Variants in MORC1 observed in about 807,000 individuals in gnomAD.
MORC1 encodes MORC family CW-type zinc finger 1.
A neutral mutation model predicts 134.9 loss-of-function variants in MORC1; 59 were observed. That is an observed-to-expected ratio of 0.44 (90% CI 0.35 to 0.54). MORC1 has a LOEUF of 0.54. Among genes scored for constraint, MORC1 ranks in the 20% least tolerant of loss-of-function variants. The pLI is 0.00. For missense variants in MORC1, 947 were observed against 1,134.5 expected (o/e 0.83, Z 2.37); for synonymous variants, 395 against 391.7 (o/e 1.01, Z -0.10).
At position 109,094,889 on chromosome 3, in the gene MORC1, CAG is replaced by C. The variant is rs1950800075; in HGVS notation, c.583+18_583+19del. ...AAAACAAATACTTCCATCAAATTGTCAGAGTTTTGATGATCTTACCACATTTT... is the reference window on the plus strand; with the variant it reads ...AAAACAAATACTTCCATCAAATTGTCAGTTTTGATGATCTTACCACATTTT... On this transcript the variant is annotated intron_variant, in intron 7 of 27. Transcript: ENST00000232603. 3 of 1,536,296 alleles carry C rather than the reference CAG, an allele frequency of 2.0e-6. No homozygotes were observed. The highest frequency in any genetic ancestry group is 1.4e-5 in the African/African-American group (1 of 70,688).
chr3:109,104,092 G>A (rs1034708792), intron 3 of MORC1, among the ~76,000 whole-genome samples, 175 bp from the exon 4 acceptor site: 1 of 152,180 alleles, frequency 6.6e-6, no homozygotes, highest in African/African-American at 2.4e-5. Context: ...AGAAACTGCA[G>A]GGGAAAAATA....
At chr3:109,074,813 T>C (rs1439654930) in intron 8 of MORC1, among the ~76,000 whole-genome samples, 1 of 152,160 alleles carries the variant, frequency 6.6e-6, no homozygotes, top group Non-Finnish European at 1.5e-5. Context: ...ATGAGGGGAA[T>C]TGTGGGGATT....
chr3:109,069,551 T>G, intron 9 of MORC1, 81 bp downstream of exon 9: 3 of 1,324,532 alleles, frequency 2.3e-6, no homozygotes, highest in Non-Finnish European at 3.1e-6. Context: ...AAAGTCAATG[T>G]CCTCACTTTG....
chr3:109,043,205 G>A (rs1297440232), intron 14 of MORC1, among the ~76,000 whole-genome samples: 2 of 138,406 alleles, frequency 1.4e-5, no homozygotes, highest in African/African-American at 2.7e-5. Flanking sequence ...GGGGGGGTGT[G>A]TATAACAGAA....
intron 1 of MORC1, 45 bp downstream of exon 1, chr3:109,117,950 G>A (rs1230948541): frequency 4.1e-6 from 6 of 1,478,764 alleles, no homozygotes; most frequent in African/African-American, 1.4e-5. Context: ...TCTTCATGGC[G>A]GGCGCAGAGA....
At position 108,984,655 on chromosome 3, in the gene MORC1, A is replaced by T. The variant is rs1454282097; in HGVS notation, c.2324+61T>A. On this transcript the variant is annotated intron_variant, in intron 23 of 27. Coordinates refer to ENST00000232603, the MANE Select transcript of MORC1 (RefSeq NM_014429.4). The stretch of plus-strand genomic sequence containing the variant: ...TTTCTTCTTGTATTTAAACATTGAT[A>T]ATTACTTTTCAGCAGGATAATTGCA... The T allele has an allele frequency of 3.3e-6, 4 of 1,229,404 alleles. No individual in the cohort carries two copies. In the Admixed American group the frequency reaches 7.2e-5, roughly 22 times the overall value. 76.2% of individuals were successfully genotyped at this position (1,229,404 alleles called of 1,614,324 possible). A position where few individuals can be genotyped will look rare whatever the true frequency, so the allele number is the denominator to read the frequency against.
intron 26 of MORC1, among the ~76,000 whole-genome samples, chr3:108,964,761 T>C (rs899654207): frequency 1.3e-5 from 2 of 152,150 alleles, no homozygotes; most frequent in Non-Finnish European, 1.5e-5. Context: ...AATGTGCACA[T>C]AAATCTTATG....
intron 8 of MORC1, among the ~76,000 whole-genome samples, chr3:109,087,305 A>G (rs774938248): frequency 6.6e-6 from 1 of 152,146 alleles, no homozygotes. Flanking sequence ...TGCAAACGAC[A>G]TGACTCTATA....
chr3:109,030,906 GATT>G (rs1221783171), intron 16 of MORC1, among the ~76,000 whole-genome samples: 6 of 152,120 alleles, frequency 3.9e-5, no homozygotes, highest in Non-Finnish European at 5.9e-5. Context: ...ACCCCGATGT[GATT>G]ATTACATACT....
chr3:108,978,472 T>G (rs1190200480), intron 24 of MORC1, among the ~76,000 whole-genome samples: 1 of 152,156 alleles, frequency 6.6e-6, no homozygotes, highest in African/African-American at 2.4e-5. Flanking sequence ...AGGTGGGGTC[T>G]TCATGCCCAT....
intron 2 of MORC1, among the ~76,000 whole-genome samples, chr3:109,112,612 G>C (rs1023480317): frequency 6.6e-6 from 1 of 152,202 alleles, no homozygotes; most frequent in Non-Finnish European, 1.5e-5. Flanking sequence ...GGTCCCAAGA[G>C]AGCACCTGCT....
chr3:108,986,520 G>A (rs1007879989), intron 22 of MORC1, among the ~76,000 whole-genome samples: 2 of 152,208 alleles, frequency 1.3e-5, no homozygotes, highest in East Asian at 1.9e-4. Flanking sequence ...AACGGGGACT[G>A]TCATCATCAT....
rs1209421156 is a variant in MORC1 at position 109,116,328 on chromosome 3, G to A, written c.65+1667C>T. On this transcript the variant is annotated intron_variant, in intron 1 of 27. Transcript: ENST00000232603. Reference sequence around the variant, plus strand: ...TGGAGTAGTCTGGACAAGGGACAGTGGTGGCTTGGACTAAAGTCAGTGGCA... The same window carrying A: ...TGGAGTAGTCTGGACAAGGGACAGTAGTGGCTTGGACTAAAGTCAGTGGCA... Among the ~76,000 whole-genome samples, 3 of 152,214 alleles carry A rather than the reference G, an allele frequency of 2.0e-5. No homozygotes were observed. The East Asian group carries it at 5.8e-4, about 29-fold the overall frequency.
At chr3:109,032,132 C>A (rs1346928617) in intron 16 of MORC1, among the ~76,000 whole-genome samples, 1 of 152,044 alleles carries the variant, frequency 6.6e-6, no homozygotes, top group African/African-American at 2.4e-5. Context: ...GGACTTAGAA[C>A]AGACTGCATG....
rs183444337 is a variant in MORC1, at chr3:109,011,670, C to T, written c.1705-4579G>A. On this transcript the variant is annotated intron_variant, in intron 17 of 27. Coordinates refer to ENST00000232603, the MANE Select transcript of MORC1 (RefSeq NM_014429.4). ...CAGAGTAGCTATGATTACAGGCATG[C>T]GCCACCACGCCTGGCTAATTTTGTA... 4.1e-4 allele frequency among the ~76,000 whole-genome samples: 62 copies of T among 152,136 alleles called. No individual in the cohort carries two copies. The East Asian group carries it at 0.01, about 25-fold the overall frequency.
intron 24 of MORC1, among the ~76,000 whole-genome samples, chr3:108,978,023 G>A (rs538820302): frequency 4.2e-4 from 64 of 152,204 alleles, no homozygotes; most frequent in African/African-American, 1.5e-3. Flanking sequence ...GACTACAGGC[G>A]CCTGCCACCC....
At chr3:109,065,593 T>C (rs193078387) in intron 9 of MORC1, among the ~76,000 whole-genome samples, 9 of 152,348 alleles carry the variant, frequency 5.9e-5, no homozygotes, top group Admixed American at 5.9e-4. Flanking sequence ...CAAGTTCTAC[T>C]TTCTTCTCTT....
intron 8 of MORC1, among the ~76,000 whole-genome samples, chr3:109,080,311 A>C (rs879798675): frequency 2.0e-5 from 3 of 152,110 alleles, no homozygotes; most frequent in Non-Finnish European, 2.9e-5. Context: ...TATGCAGGGG[A>C]ATTCCTCTTT....
Position 109,052,590 on chromosome 3 carries a change from C to T in MORC1, c.1330+2138G>A, listed in dbSNP as rs147132061. ...TTCATAATTTCCCACTGAGTTCCTA[C>T]GCTTTTCCGTTTTGCTGGTGAGAAA... is the stretch of plus-strand genomic sequence containing the variant. On this transcript the variant is annotated intron_variant, in intron 14 of 27. Coordinates refer to ENST00000232603, the MANE Select transcript of MORC1 (RefSeq NM_014429.4). 2.9e-3 allele frequency among the ~76,000 whole-genome samples: 443 copies of T among 152,244 alleles called. 1 individual carries two copies. The highest frequency in any genetic ancestry group is 6.8e-3 in the Middle Eastern group (2 of 294).
Sources: allele counts gnomAD v4.1 joint callset (sites outside exome capture counted in the v4.1 genomes callset), GRCh38; gene constraint gnomAD v4.1.1; transcripts MANE v1.5; gene names NCBI Gene and HGNC (gene_info 2026-07-23, HGNC 2026-07-21).